The following SEPTIN2 variants were observed in gnomAD, a reference collection of about 807,000 sequenced individuals.
SEPTIN2 encodes the protein septin-2.
Under a neutral mutation model 46.5 loss-of-function variants are expected in SEPTIN2, and 34 were observed. That is an observed-to-expected ratio of 0.73 (90% CI 0.56 to 0.97). SEPTIN2 has a LOEUF of 0.97. Among genes scored for constraint, SEPTIN2 ranks in the 50% least tolerant of loss-of-function variants. SEPTIN2 has a pLI of 0.00. For missense variants in SEPTIN2, 347 were observed against 448.4 expected, an observed-to-expected ratio of 0.77 and a Z score of 2.04; for synonymous variants, 175 against 153.4, an observed-to-expected ratio of 1.14 and a Z score of -1.04.
intron 7 of SEPTIN2, among the ~76,000 whole-genome samples, chr2:241,338,954 TA>T (rs1381235817): frequency 2.0e-5 from 2 of 99,650 alleles, no homozygotes; most frequent in East Asian, 2.5e-4. Flanking sequence ...ATTATATATA[TA>T]ATATATATTA....
At chr2:241,338,920 A>C (rs2080794158) in intron 7 of SEPTIN2, among the ~76,000 whole-genome samples, 1 of 93,284 alleles carries the variant, frequency 1.1e-5, no homozygotes, top group Non-Finnish European at 2.0e-5. Flanking sequence ...AATATATATA[A>C]TTGTACATAT....
rs2060917398 is a variant in SEPTIN2 at position 241,353,387 on chromosome 2, A to T, written c.*1450A>T. 1.3e-5 allele frequency: 2 copies of T among 152,326 alleles called. No individual in the cohort carries two copies. The highest frequency in any genetic ancestry group is 4.1e-4 in the South Asian group (2 of 4,834). 9.4% of individuals were successfully genotyped at this position (152,326 alleles called of 1,614,324 possible). On this transcript the variant is annotated 3_prime_UTR_variant, in exon 13 of 13. Coordinates refer to ENST00000391971, the MANE Select transcript of SEPTIN2 (RefSeq NM_004404.5). ...CTGAAGTTGGGAAATTCAACCCCAG[A>T]AATTGACAGATGAAAGGAGACAATG...
chr2:241,316,649 T>C (rs964523360), intron 1 of SEPTIN2: 3 of 901,404 alleles, frequency 3.3e-6, no homozygotes, highest in Non-Finnish European at 4.7e-6. Flanking sequence ...GTGGTCTCAG[T>C]GGAGTCCCAA....
intron 3 of SEPTIN2, among the ~76,000 whole-genome samples, chr2:241,329,265 C>T (rs1244750018): frequency 6.6e-6 from 1 of 151,876 alleles, no homozygotes; most frequent in African/African-American, 2.4e-5. Context: ...GCTAAGATTA[C>T]AGGCACCCGC....
intron 3 of SEPTIN2, among the ~76,000 whole-genome samples, chr2:241,330,380 A>G (rs1163248410): frequency 1.3e-5 from 2 of 152,238 alleles, no homozygotes; most frequent in Admixed American, 1.3e-4. Context: ...TGACTGCACC[A>G]TAGAAGCCCT....
At chr2:241,329,413 TACAC>T (rs142692438) in intron 3 of SEPTIN2, among the ~76,000 whole-genome samples, 2,484 of 152,298 alleles carry the variant, frequency 0.016, 43 homozygotes, top group African/African-American at 0.043. Flanking sequence ...ATATAAATCT[TACAC>T]AGACATCTTC....
At chr2:241,335,331 CAAGG>C in intron 4 of SEPTIN2, 119 bp downstream of exon 4, 1 of 1,554,090 alleles carries the variant, frequency 6.4e-7, no homozygotes, top group Non-Finnish European at 8.7e-7. Flanking sequence ...GCTTTGAACA[CAAGG>C]AAAACACTTT....
At chr2:241,338,187 T>G (rs1559639810) in intron 7 of SEPTIN2, among the ~76,000 whole-genome samples, 1 of 152,272 alleles carries the variant, frequency 6.6e-6, no homozygotes, top group African/African-American at 2.4e-5. Context: ...TTCTCTGTTC[T>G]GTTTGGAAAC....
Position 241,337,249 on chromosome 2 carries a change from G to A in SEPTIN2, c.342-133G>A, listed in dbSNP as rs2080179635. On this transcript the variant is annotated intron_variant, in intron 5 of 12. Coordinates refer to ENST00000391971, the MANE Select transcript of SEPTIN2 (RefSeq NM_004404.5). ...TTCCATTTGCCAAATCTAAAAGTCA[G>A]TCTTCTGTTCTCATCTTGAAAATGA... is the stretch of plus-strand genomic sequence containing the variant. 21 of 849,208 alleles carry A rather than the reference G, an allele frequency of 2.5e-5. No individual in the cohort carries two copies. In the South Asian group the frequency reaches 4.5e-4, roughly 18 times the overall value. 52.6% of individuals were successfully genotyped at this position (849,208 alleles called of 1,614,324 possible).
At chr2:241,339,345 C>CCTGG (rs1480337307) in intron 7 of SEPTIN2, among the ~76,000 whole-genome samples, 5 of 143,700 alleles carry the variant, frequency 3.5e-5, no homozygotes, top group Non-Finnish European at 3.1e-5. Context: ...TGCAGTCCAG[C>CCTGG]CTGGGTGACA....
Position 241,350,114 on chromosome 2 carries a change from G to C in SEPTIN2, c.1026G>C (p.Gln342His). The change falls in exon 12 of 13, where the codon CAG becomes CAC. Residue 342 changes from glutamine to histidine, a missense_variant. By Grantham distance (24) the Gln-to-His change is conservative. Coordinates refer to ENST00000391971, the MANE Select transcript of SEPTIN2 (RefSeq NM_004404.5). ...AGATGATTGCAAGGATGCAGGCGCAGATGCAGATGCAGATGCAGGGCGGGG... is the reference window on the plus strand; with the variant it reads ...AGATGATTGCAAGGATGCAGGCGCACATGCAGATGCAGATGCAGGGCGGGG... ...MQEMIARMQA[Q>H]MQMQMQGGDG... is the part of the protein sequence containing the mutation. 1 of 1,613,416 alleles carries C rather than the reference G, an allele frequency of 6.2e-7. No homozygotes were observed. Among genetic ancestry groups the C allele is most frequent in the Non-Finnish European group, 8.5e-7 (1 of 1,179,468 alleles).
intron 3 of SEPTIN2, among the ~76,000 whole-genome samples, chr2:241,329,024 C>T (rs146807623): frequency 6.6e-6 from 1 of 151,688 alleles, no homozygotes; most frequent in East Asian, 1.9e-4. Context: ...CCATCTCTCA[C>T]ACACAAAAAA....
At chr2:241,339,017 A>G (rs1249058855) in intron 7 of SEPTIN2, among the ~76,000 whole-genome samples, 1 of 117,066 alleles carries the variant, frequency 8.5e-6, no homozygotes, top group Non-Finnish European at 1.7e-5. Flanking sequence ...TTATATTTAT[A>G]CATTATATTT....
chr2:241,320,754 A>T (rs994311617), intron 1 of SEPTIN2, among the ~76,000 whole-genome samples: 2 of 152,046 alleles, frequency 1.3e-5, no homozygotes, highest in Admixed American at 1.3e-4. Context: ...GCGCCAGTGC[A>T]CTCCAGCCTG....
intron 6 of SEPTIN2, 37 bp downstream of exon 6, chr2:241,337,553 C>T: frequency 6.2e-7 from 1 of 1,607,378 alleles, no homozygotes; most frequent in Non-Finnish European, 8.5e-7. Context: ...TGCTTTACTA[C>T]ATGGGTTTGT....
At chr2:241,329,369 C>G (rs1015064744) in intron 3 of SEPTIN2, among the ~76,000 whole-genome samples, 3 of 152,042 alleles carry the variant, frequency 2.0e-5, no homozygotes, top group Non-Finnish European at 2.9e-5. Flanking sequence ...ACTTCGTGAT[C>G]CGCCCGCCTC....
chr2:241,342,306 T>C (rs543968172), intron 7 of SEPTIN2, among the ~76,000 whole-genome samples: 13 of 152,034 alleles, frequency 8.6e-5, no homozygotes, highest in African/African-American at 3.1e-4. Context: ...TTAAGACTCC[T>C]GCCTGTTCTC....
At chr2:241,324,167 A>T (rs180712829) in intron 1 of SEPTIN2, 49 bp from the exon 2 acceptor site, 1 of 1,578,156 alleles carries the variant, frequency 6.3e-7, no homozygotes, top group Non-Finnish European at 8.6e-7. Flanking sequence ...GTATACATAC[A>T]TACTATGTAT....
chr2:241,337,868 C>T lies in SEPTIN2; in HGVS notation c.594+78C>T, dbSNP rs369067780. ...GGATGAAGAAAGGAGTGTGTTCCCACGCTCAGTCTGCTCAGGTGTCGGGAG... is the reference window on the plus strand; with the variant it reads ...GGATGAAGAAAGGAGTGTGTTCCCATGCTCAGTCTGCTCAGGTGTCGGGAG... On this transcript the variant is annotated intron_variant, in intron 7 of 12. Coordinates refer to ENST00000391971, the MANE Select transcript of SEPTIN2 (RefSeq NM_004404.5). 246 of 989,276 alleles carry T rather than the reference C, an allele frequency of 2.5e-4. 2 individuals are homozygous for T. In the African/African-American group the frequency reaches 3.1e-3, roughly 12 times the overall value. The allele number at this position is 989,276 out of a possible 1,614,324, so 61.3% of individuals were successfully genotyped here. A position where few individuals can be genotyped will look rare whatever the true frequency, so the allele number is the denominator to read the frequency against.
Sources: allele counts gnomAD v4.1 joint callset (sites outside exome capture counted in the v4.1 genomes callset), GRCh38; gene constraint gnomAD v4.1.1; transcripts MANE v1.5; gene names NCBI Gene and HGNC (gene_info 2026-07-23, HGNC 2026-07-21).